The following PCDH15 variants were observed in gnomAD, a reference collection of about 807,000 sequenced individuals.
The protein encoded by PCDH15 is protocadherin-15.
In PCDH15, 129 loss-of-function variants were observed where a neutral mutation model predicts 178.5. The observed-to-expected ratio is 0.72, with a 90% CI of 0.63 to 0.84. The LOEUF is 0.84. PCDH15 is among the 40% of genes least tolerant of loss of function. The pLI is 0.00. For missense variants in PCDH15, 2,230 were observed against 2,099.9 expected, an observed-to-expected ratio of 1.06 and a Z score of -1.21; for synonymous variants, 800 against 732.0, an observed-to-expected ratio of 1.09 and a Z score of -1.50.
intron 2 of PCDH15, among the ~76,000 whole-genome samples, chr10:55,371,246 T>G (rs1588962781): frequency 6.6e-6 from 1 of 152,088 alleles, no homozygotes; most frequent in African/African-American, 2.4e-5. Context: ...TTCTCAAATG[T>G]GATCTCATAC....
At chr10:55,225,784 A>T (rs1320750210) in intron 1 of PCDH15, among the ~76,000 whole-genome samples, 1 of 152,024 alleles carries the variant, frequency 6.6e-6, no homozygotes, top group Non-Finnish European at 1.5e-5. Context: ...CCACCTAGTG[A>T]ACGTCTCCCA....
At chr10:54,211,428 C>A (rs1480743871) in intron 10 of PCDH15, among the ~76,000 whole-genome samples, 2 of 152,072 alleles carry the variant, frequency 1.3e-5, no homozygotes, top group Non-Finnish European at 2.9e-5. Flanking sequence ...TTTTCAACTG[C>A]ATGTTTTAAT....
intron 2 of PCDH15, among the ~76,000 whole-genome samples, chr10:55,015,045 ACCC>A (rs1313201174): frequency 2.6e-5 from 4 of 151,924 alleles, no homozygotes; most frequent in Admixed American, 2.6e-4. Context: ...ACATGGTGAA[ACCC>A]CATCTCTACT....
At chr10:54,281,241 C>T (rs987744448) in intron 8 of PCDH15, among the ~76,000 whole-genome samples, 1 of 151,778 alleles carries the variant, frequency 6.6e-6, no homozygotes, top group Admixed American at 6.6e-5. Flanking sequence ...AACTTATAAC[C>T]CTTAAAAACA....
intron 2 of PCDH15, among the ~76,000 whole-genome samples, chr10:55,621,167 A>T (rs1472404021): frequency 6.6e-6 from 1 of 152,186 alleles, no homozygotes; most frequent in Admixed American, 6.5e-5. Flanking sequence ...AGAGATAATA[A>T]TATGAATAGA....
At chr10:54,110,345 T>C (rs1466349662) in intron 15 of PCDH15, among the ~76,000 whole-genome samples, 2 of 143,242 alleles carry the variant, frequency 1.4e-5, no homozygotes, top group African/African-American at 5.2e-5. Flanking sequence ...CTAGAGTAAA[T>C]GGTATGGGAT....
intron 12 of PCDH15, 79 bp downstream of exon 12, chr10:54,185,055 G>C: frequency 1.3e-6 from 2 of 1,533,456 alleles, no homozygotes; most frequent in East Asian, 4.6e-5. Flanking sequence ...GTTTTAACCA[G>C]ACATCTCTTT....
intron 2 of PCDH15, among the ~76,000 whole-genome samples, chr10:55,023,854 T>G (rs1449183770): frequency 6.9e-6 from 1 of 144,842 alleles, no homozygotes; most frequent in African/African-American, 2.5e-5. Flanking sequence ...TGCCTATATA[T>G]ATATATTCCT....
intron 6 of PCDH15, among the ~76,000 whole-genome samples, chr10:54,331,758 T>A (rs934392011): frequency 2.0e-5 from 3 of 152,016 alleles, no homozygotes; most frequent in Non-Finnish European, 4.4e-5. Flanking sequence ...CTACCACATC[T>A]CTGGACTCAG....
chr10:54,266,658 G>A (rs1423473018), intron 8 of PCDH15, among the ~76,000 whole-genome samples: 1 of 151,794 alleles, frequency 6.6e-6, no homozygotes, highest in East Asian at 1.9e-4. Flanking sequence ...GATTCTCAGA[G>A]ACTACTATGA....
intron 8 of PCDH15, among the ~76,000 whole-genome samples, chr10:54,278,006 A>C (rs12765276): frequency 0.45 from 68,353 of 151,384 alleles, 17,269 homozygotes; most frequent in Middle Eastern, 0.6. Context: ...GAATATCTAC[A>C]TCTTTGAATT....
chr10:53,851,941 T>C (rs954779281), intron 28 of PCDH15, among the ~76,000 whole-genome samples: 2 of 151,674 alleles, frequency 1.3e-5, no homozygotes, highest in African/African-American at 4.8e-5. Context: ...TCTACTATAA[T>C]TGAATTTTCA....
intron 1 of PCDH15, among the ~76,000 whole-genome samples, chr10:55,304,379 A>G (rs913084594): frequency 6.6e-6 from 1 of 152,120 alleles, no homozygotes; most frequent in Non-Finnish European, 1.5e-5. Context: ...ATATCACTGC[A>G]CTGTTAATTA....
chr10:54,708,051 T>G (rs1240757194), intron 1 of PCDH15, among the ~76,000 whole-genome samples: 1 of 152,282 alleles, frequency 6.6e-6, no homozygotes, highest in East Asian at 1.9e-4. Context: ...AGAAAATATA[T>G]GCAATTATAA....
At chr10:55,280,444 A>ATTTTT (rs1170034467) in intron 1 of PCDH15, among the ~76,000 whole-genome samples, 56 of 92,052 alleles carry the variant, frequency 6.1e-4, no homozygotes, top group African/African-American at 2.0e-3. Flanking sequence ...GCACCCAGCT[A>ATTTTT]TTTTTTTTTT....
At chr10:53,890,075 G>T (rs1187779771) in intron 26 of PCDH15, among the ~76,000 whole-genome samples, 1 of 152,170 alleles carries the variant, frequency 6.6e-6, no homozygotes, top group Non-Finnish European at 1.5e-5. Flanking sequence ...GAATCTGTGT[G>T]ATTTTGCATA....
intron 1 of PCDH15, among the ~76,000 whole-genome samples, chr10:55,278,243 C>A (rs973031889): frequency 4.0e-5 from 6 of 151,400 alleles, no homozygotes; most frequent in Non-Finnish European, 7.4e-5. Flanking sequence ...AGTAACATAT[C>A]TTTTCATGAA....
At chr10:54,599,948 A>T (rs1430045572) in intron 2 of PCDH15, 12 of 953,122 alleles carry the variant, frequency 1.3e-5, no homozygotes, top group Non-Finnish European at 1.8e-5. Flanking sequence ...TTGGTGGCAG[A>T]CACCAAGGTG....
At chr10:54,059,645 AG>A (rs1365012720) in intron 18 of PCDH15, among the ~76,000 whole-genome samples, 1 of 152,212 alleles carries the variant, frequency 6.6e-6, no homozygotes. Context: ...AGAGTATAGC[AG>A]TCTGCATTTC....
Sources: allele counts gnomAD v4.1 joint callset (sites outside exome capture counted in the v4.1 genomes callset), GRCh38; gene constraint gnomAD v4.1.1; transcripts MANE v1.5; gene names NCBI Gene and HGNC (gene_info 2026-07-23, HGNC 2026-07-21).